VWC2: variants seen among roughly 807,000 people sequenced by gnomAD.
VWC2 encodes the protein von Willebrand factor C domain containing 2.
In VWC2, 14 loss-of-function variants were observed where a neutral mutation model predicts 29.8. That is an observed-to-expected ratio of 0.47 (90% CI 0.31 to 0.74). The LOEUF (loss-of-function observed/expected upper bound fraction) is 0.74. VWC2 is among the 30% of genes least tolerant of loss of function. The pLI, the probability that VWC2 is intolerant of heterozygous loss-of-function variation, is 0.05. For synonymous variants in VWC2, 213 were observed against 199.0 expected (o/e 1.07, Z -0.59); for missense variants, 457 against 459.8 (o/e 0.99, Z 0.05).
chr7:49,775,944 C>A lies in VWC2; in HGVS notation c.509C>A (p.Ala170Glu). 6.4e-7 allele frequency: 1 copy of A among 1,553,872 alleles called. No homozygotes were observed. Residue 170 changes from alanine (A) to glutamate (E), a missense_variant, in exon 2 of 4, where the codon GCG becomes GAG. Transcript: ENST00000340652. ...GTGTACGCGATCGGGGAGAAGTTCG[C>A]GCCGGGCCCCTCGGCCTGCCCGTGC... The part of the protein sequence containing the change: ...GFVYAIGEKF[A>E]PGPSACPCLC...
At position 49,915,774 on chromosome 7, in the gene VWC2, A is replaced by C. The variant is rs1793690199; in HGVS notation, c.*3589A>C. On this transcript the variant is annotated 3_prime_UTR_variant, in exon 4 of 4. Transcript: ENST00000340652. ...GGGCAAGAGATCAATCCTACTTTTC[A>C]TTGTTATTTTTAATATCATATTTTT... 2 of 152,190 alleles carry C rather than the reference A, an allele frequency of 1.3e-5. No individual in the cohort carries two copies. Among genetic ancestry groups the C allele is most frequent in the African/African-American group, 4.8e-5 (2 of 41,456 alleles). The allele number at this position is 152,190 out of a possible 1,614,324, so 9.4% of individuals were successfully genotyped here.
At chr7:49,852,417 G>C (rs1194293618) in intron 3 of VWC2, among the ~76,000 whole-genome samples, 1 of 152,188 alleles carries the variant, frequency 6.6e-6, no homozygotes, top group South Asian at 2.1e-4. Flanking sequence ...CAAGGTGACC[G>C]GTGCTGTTTT....
At chr7:49,836,019 T>C (rs1044728039) in intron 3 of VWC2, among the ~76,000 whole-genome samples, 2 of 152,196 alleles carry the variant, frequency 1.3e-5, no homozygotes, top group African/African-American at 4.8e-5. Flanking sequence ...AAATCATAAT[T>C]TGCAAATGAT....
chr7:49,775,844 C>G lies in VWC2; in HGVS notation c.409C>G (p.Pro137Ala). Reference protein sequence around the residue: ...AQDAIGPELAPTPEPPEEYVY... With the variant: ...AQDAIGPELAATPEPPEEYVY... ...GGACGCGATTGGCCCGGAACTCGCG[C>G]CCACGCCCGAGCCACCCGAGGAGTA... The change falls in exon 2 of 4, where the codon CCC becomes GCC. Residue 137 changes from proline to alanine, a missense_variant. By Grantham distance (27) the Pro-to-Ala change is conservative. This residue lies in a region of VWC2 where 272 missense variants were observed against 202.7 expected (regional missense o/e 1.34). Transcript: ENST00000340652. 6.4e-7 allele frequency: 1 copy of G among 1,550,712 alleles called. No homozygotes were observed. The highest frequency in any genetic ancestry group is 2.4e-5 in the East Asian group (1 of 41,254).
At chr7:49,782,228 C>A (rs1030065677) in intron 2 of VWC2, among the ~76,000 whole-genome samples, 11 of 152,184 alleles carry the variant, frequency 7.2e-5, no homozygotes, top group African/African-American at 2.7e-4. Context: ...ACCACACCCC[C>A]CTTGCAGATG....
chr7:49,849,697 G>A (rs1790097881), intron 3 of VWC2, among the ~76,000 whole-genome samples: 1 of 152,212 alleles, frequency 6.6e-6, no homozygotes, highest in Non-Finnish European at 1.5e-5. Context: ...ATTTATTTCA[G>A]GGAGATTGTG....
chr7:49,786,751 T>C (rs1469287812), intron 2 of VWC2, among the ~76,000 whole-genome samples: 2 of 152,220 alleles, frequency 1.3e-5, no homozygotes, highest in African/African-American at 4.8e-5. Flanking sequence ...GAGCATGTTA[T>C]CATATGCTTG....
intron 3 of VWC2, among the ~76,000 whole-genome samples, chr7:49,843,866 A>G (rs532362524): frequency 6.6e-5 from 10 of 152,344 alleles, no homozygotes; most frequent in Admixed American, 3.3e-4. Flanking sequence ...GGATGAATGG[A>G]AAAAAGAAGA....
chr7:49,818,537 G>A (rs1389981456), intron 3 of VWC2, among the ~76,000 whole-genome samples: 2 of 151,774 alleles, frequency 1.3e-5, no homozygotes, highest in African/African-American at 2.4e-5. Flanking sequence ...GGTGCTGATC[G>A]CCTTTCCCCA....
chr7:49,802,930 A>T, intron 3 of VWC2, 90 bp downstream of exon 3: 1 of 1,547,682 alleles, frequency 6.5e-7, no homozygotes, highest in Non-Finnish European at 8.8e-7. Context: ...ACACATACGG[A>T]TACGTGAGTT....
intron 2 of VWC2, 33 bp from the exon 3 acceptor site, chr7:49,802,678 G>A (rs766284467): frequency 6.2e-7 from 1 of 1,613,644 alleles, no homozygotes; most frequent in Non-Finnish European, 8.5e-7. Context: ...CATGACAGCA[G>A]GCTAAAGTGC....
intron 3 of VWC2, among the ~76,000 whole-genome samples, chr7:49,858,911 A>G (rs994674130): frequency 6.6e-6 from 1 of 152,172 alleles, no homozygotes; most frequent in Non-Finnish European, 1.5e-5. Context: ...ATTCATCCAC[A>G]TTGACAAAGG....
chr7:49,911,384 C>T (rs761588664), intron 3 of VWC2, among the ~76,000 whole-genome samples: 4 of 144,306 alleles, frequency 2.8e-5, no homozygotes, highest in Admixed American at 7.2e-5. Flanking sequence ...CTGGAGGCTG[C>T]GGCAGGAGAA....
intron 2 of VWC2, among the ~76,000 whole-genome samples, chr7:49,787,883 G>A (rs541058142): frequency 6.6e-6 from 1 of 152,172 alleles, no homozygotes; most frequent in South Asian, 2.1e-4. Context: ...AGCTTATCTT[G>A]CTTCTAGGTA....
intron 3 of VWC2, among the ~76,000 whole-genome samples, chr7:49,823,937 G>T (rs1789329342): frequency 2.0e-5 from 3 of 151,172 alleles, no homozygotes; most frequent in Admixed American, 6.6e-5. Flanking sequence ...ATTCTTTATT[G>T]TTATTCTTTT....
chr7:49,819,239 G>A (rs1178562876), intron 3 of VWC2, among the ~76,000 whole-genome samples: 3 of 152,108 alleles, frequency 2.0e-5, no homozygotes, highest in South Asian at 2.1e-4. Context: ...ACCCCTTCTC[G>A]AACAAATGGA....
At chr7:49,783,912 TAAAGAAAAA>T (rs894100928) in intron 2 of VWC2, among the ~76,000 whole-genome samples, 1 of 150,916 alleles carries the variant, frequency 6.6e-6, no homozygotes, top group Admixed American at 6.6e-5. Flanking sequence ...TAAAATAAAA[TAAAGAAAAA>T]AAAGAAAAGA....
At chr7:49,822,567 T>C (rs890019024) in intron 3 of VWC2, among the ~76,000 whole-genome samples, 7 of 152,168 alleles carry the variant, frequency 4.6e-5, no homozygotes, top group Admixed American at 1.3e-4. Flanking sequence ...GCCTCCTGAG[T>C]AGCTGGGATT....
intron 2 of VWC2, among the ~76,000 whole-genome samples, chr7:49,801,960 G>A (rs1458594459): frequency 3.3e-5 from 5 of 152,058 alleles, no homozygotes; most frequent in Admixed American, 6.5e-5. Flanking sequence ...CAGTGTCTTC[G>A]TAACTGGAAA....
Sources: gnomAD v4.1 joint callset for allele counts (sites outside exome capture counted in the v4.1 genomes callset) on GRCh38, gnomAD v4.1.1 for gene constraint, gnomAD v4.1.1 regional missense constraint, MANE v1.5 for transcripts, NCBI Gene and HGNC (gene_info 2026-07-23, HGNC 2026-07-21) for gene names.